Variants in PALM observed in about 807,000 individuals in gnomAD.
PALM encodes paralemmin-1.
A neutral mutation model predicts 30.7 loss-of-function variants in PALM; 18 were observed. The observed-to-expected ratio is 0.59, with a 90% CI of 0.41 to 0.87. PALM has a LOEUF of 0.87. Ranked by LOEUF, PALM falls within the 40% of genes least tolerant of loss-of-function variation. The pLI is 0.00. For missense variants in PALM, 529 were observed against 555.4 expected, an observed-to-expected ratio of 0.95 and a Z score of 0.48; for synonymous variants, 286 against 242.8, an observed-to-expected ratio of 1.18 and a Z score of -1.66.
intron 8 of PALM, among the ~76,000 whole-genome samples, chr19:745,457 G>A (rs1037390513): frequency 1.3e-5 from 2 of 152,132 alleles, no homozygotes; most frequent in Admixed American, 1.3e-4. Context: ...ACTTTGGGAG[G>A]CTGAGGTGGG....
intron 1 of PALM, chr19:719,619 C>G (rs890362286): frequency 3.5e-5 from 35 of 986,246 alleles, no homozygotes; most frequent in Non-Finnish European, 4.2e-5. Context: ...CTGAGCTTTT[C>G]CACGCCTTTG....
At chr19:732,929 G>GT (rs1239710635) in intron 5 of PALM, among the ~76,000 whole-genome samples, 1 of 149,884 alleles carries the variant, frequency 6.7e-6, no homozygotes, top group Non-Finnish European at 1.5e-5. Flanking sequence ...ACGTGGGGTG[G>GT]TTTTTTTGTG....
chr19:719,157 C>G, intron 1 of PALM: 1 of 985,410 alleles, frequency 1.0e-6, no homozygotes, highest in Non-Finnish European at 1.2e-6. Context: ...TGGAGCTGCC[C>G]GGGCGTGGGT....
In PALM at chr19:709,070, TC is replaced by T. The variant is rs1286119996; in HGVS notation, c.-73del. On this transcript the variant is annotated 5_prime_UTR_variant, in exon 1 of 9. Transcript: ENST00000338448. This position sits in a 1 kb window ranked among gnomAD's most constrained non-coding sequence, Gnocchi z 4.3. ...CGGCCCCCGCCAGGCCGCGTCCCCC[TC>T]CCCTCCCCTCCCCCGCGCGCCACCC... 4.8e-6 allele frequency: 1 copy of T among 207,474 alleles called. No homozygotes were observed. Among genetic ancestry groups the T allele is most frequent in the East Asian group, 9.3e-5 (1 of 10,740 alleles). The allele number at this position is 207,474 out of a possible 1,614,324, so 12.9% of individuals were successfully genotyped here. A position where few individuals can be genotyped will look rare whatever the true frequency, so the allele number is the denominator to read the frequency against.
At chr19:743,709 G>A (rs2033256939) in intron 8 of PALM, among the ~76,000 whole-genome samples, 1 of 151,958 alleles carries the variant, frequency 6.6e-6, no homozygotes, top group South Asian at 2.1e-4. Context: ...GAAGGAATTT[G>A]CAGGGCTGTG....
At chr19:718,319 G>A (rs914641847) in intron 1 of PALM, among the ~76,000 whole-genome samples, 1 of 152,236 alleles carries the variant, frequency 6.6e-6, no homozygotes, top group African/African-American at 2.4e-5. Context: ...CCTGAGGCCC[G>A]GGGAGGTCTG....
At chr19:743,441 C>T (rs1467268088) in intron 8 of PALM, among the ~76,000 whole-genome samples, 1 of 152,204 alleles carries the variant, frequency 6.6e-6, no homozygotes, top group Non-Finnish European at 1.5e-5. Context: ...GGGGCAGCGG[C>T]CAGTGGGACA....
chr19:719,525 A>G (rs978495660), intron 1 of PALM: 1 of 985,502 alleles, frequency 1.0e-6, no homozygotes, highest in Non-Finnish European at 1.2e-6. Context: ...GCCGGGAGCC[A>G]GGGAGGCTCG....
At chr19:736,337 C>T (rs1377776938) in intron 7 of PALM, among the ~76,000 whole-genome samples, 6 of 152,176 alleles carry the variant, frequency 3.9e-5, no homozygotes, top group Non-Finnish European at 2.9e-5. Flanking sequence ...CGGCTCTAAC[C>T]GACGCGACCT....
At chr19:711,892 C>T (rs977092877) in intron 1 of PALM, among the ~76,000 whole-genome samples, 14 of 151,932 alleles carry the variant, frequency 9.2e-5, no homozygotes, top group Non-Finnish European at 1.0e-4. Context: ...GTAGCTGGGA[C>T]GACAGCATTG....
intron 7 of PALM, among the ~76,000 whole-genome samples, chr19:738,857 C>T (rs2033103012): frequency 6.6e-6 from 1 of 152,156 alleles, no homozygotes; most frequent in Admixed American, 6.5e-5. Flanking sequence ...GACCGATGGC[C>T]CCTCAGAAGT....
chr19:743,392 TC>T (rs1281129506), intron 8 of PALM, among the ~76,000 whole-genome samples: 1 of 152,150 alleles, frequency 6.6e-6, no homozygotes, highest in African/African-American at 2.4e-5. Context: ...GGGCAGGTGA[TC>T]CGTTTCCATG....
At chr19:715,495 G>C (rs1195260883) in intron 1 of PALM, among the ~76,000 whole-genome samples, 1 of 152,238 alleles carries the variant, frequency 6.6e-6, no homozygotes, top group Non-Finnish European at 1.5e-5. Context: ...CCTTTTCTGA[G>C]AAGGATGTTT....
intron 1 of PALM, chr19:711,058 C>T (rs2032063208): frequency 6.4e-6 from 2 of 313,382 alleles, no homozygotes; most frequent in South Asian, 2.5e-4. Context: ...TGTGGTGGTG[C>T]CCGTCTCGCT....
chr19:718,366 A>G (rs752216110), intron 1 of PALM, among the ~76,000 whole-genome samples: 2 of 152,098 alleles, frequency 1.3e-5, no homozygotes, highest in Non-Finnish European at 2.9e-5. Flanking sequence ...AGCCAGCACA[A>G]TGGCCCTGCA....
At chr19:727,469 A>G (rs1475325951) in intron 3 of PALM, 95 bp from the exon 4 acceptor site, 89 of 1,039,788 alleles carry the variant, frequency 8.6e-5, no homozygotes, top group Non-Finnish European at 7.7e-5. Context: ...GTCCTGCCTC[A>G]ACCCCGACCC....
At chr19:713,098 C>T (rs1184411223) in intron 1 of PALM, among the ~76,000 whole-genome samples, 1 of 152,148 alleles carries the variant, frequency 6.6e-6, no homozygotes, top group Non-Finnish European at 1.5e-5. Context: ...GCTGGGTGGG[C>T]CGAGCATGCT....
At chr19:719,700 C>G (rs1455913182) in intron 1 of PALM, 1 of 877,768 alleles carries the variant, frequency 1.1e-6, no homozygotes, top group Middle Eastern at 5.8e-4. Context: ...TTCCGTGACC[C>G]CTGCGCCGGG....
rs142889233 is a variant in PALM, at chr19:740,312, G to A, written c.503-40G>A. The A allele has an allele frequency of 3.7e-3, 5,660 of 1,520,920 alleles. 107 individuals carry two copies. In the East Asian group the frequency reaches 0.06, roughly 16 times the overall value. 94.2% of individuals were successfully genotyped at this position (1,520,920 alleles called of 1,614,324 possible). A position where few individuals can be genotyped will look rare whatever the true frequency, so the allele number is the denominator to read the frequency against. Reference sequence around the variant, plus strand: ...CGCAGCCCGGCGGGGGGGTGCGGGGGCGGGCAGGCCGTGGTGTAACCCCGT... The same window carrying A: ...CGCAGCCCGGCGGGGGGGTGCGGGGACGGGCAGGCCGTGGTGTAACCCCGT... On this transcript the variant is annotated intron_variant, in intron 7 of 8. Coordinates refer to ENST00000338448, the MANE Select transcript of PALM (RefSeq NM_002579.3).
Sources: allele counts gnomAD v4.1 joint callset (sites outside exome capture counted in the v4.1 genomes callset), GRCh38; gene constraint gnomAD v4.1.1; non-coding constraint Gnocchi (gnomAD v3.1); transcripts MANE v1.5; gene names NCBI Gene and HGNC (gene_info 2026-07-23, HGNC 2026-07-21).